GARIN1A: variants seen among roughly 807,000 people sequenced by gnomAD.
The protein encoded by GARIN1A is Golgi-associated RAB2 interactor protein 1A.
At chr7:128,683,249 G>A in the GARIN1A span, 1 of 1,003,878 alleles carries the variant, frequency 1.0e-6, no homozygotes. Context: ...AAGTGACCTT[G>A]GGAGAGGTAA....
chr7:128,673,839 C>A, the GARIN1A span, among the ~76,000 whole-genome samples: 1 of 152,092 alleles, frequency 6.6e-6, no homozygotes, highest in African/African-American at 2.4e-5. Context: ...ATGGGAAGTC[C>A]AGTCTCAGGA....
chr7:128,706,673 A>G, the GARIN1A span, among the ~76,000 whole-genome samples: 4 of 152,122 alleles, frequency 2.6e-5, no homozygotes, highest in Non-Finnish European at 5.9e-5. Flanking sequence ...TCATGTAACT[A>G]GTCTCCCAAT....
At chr7:128,689,321 C>T in the GARIN1A span, among the ~76,000 whole-genome samples, 1 of 150,568 alleles carries the variant, frequency 6.6e-6, no homozygotes. Context: ...GTGAGGAGCA[C>T]CTCTTACCGG....
the GARIN1A span, among the ~76,000 whole-genome samples, chr7:128,694,358 C>T: frequency 6.6e-6 from 1 of 151,784 alleles, no homozygotes; most frequent in East Asian, 1.9e-4. Context: ...ATGGTGAAAC[C>T]CCGTCTCTAC....
chr7:128,683,112 C>T, the GARIN1A span: 10 of 1,612,686 alleles, frequency 6.2e-6, no homozygotes, highest in Non-Finnish European at 8.5e-6. Context: ...GCACCTTCTA[C>T]AAGTTCATAT....
the GARIN1A span, chr7:128,677,447 C>T: frequency 3.7e-5 from 42 of 1,134,772 alleles, no homozygotes; most frequent in Non-Finnish European, 4.7e-5. Flanking sequence ...GCAGAGCCTG[C>T]AGTGAGCCGA....
the GARIN1A span, among the ~76,000 whole-genome samples, chr7:128,695,040 T>C: frequency 1.0e-3 from 155 of 152,348 alleles, 1 homozygote; most frequent in Non-Finnish European, 1.1e-3. This position sits in a 1 kb window ranked among gnomAD's most constrained non-coding sequence, Gnocchi z 4.5. Context: ...CTGCAAACAA[T>C]GAGAAGCCAA....
the GARIN1A span, among the ~76,000 whole-genome samples, chr7:128,689,028 C>T: frequency 6.6e-6 from 1 of 151,732 alleles, no homozygotes; most frequent in East Asian, 1.9e-4. Context: ...GTCTCCAGCT[C>T]CTAACCTCGA....
At chr7:128,683,298 A>G in the GARIN1A span, 6 of 637,824 alleles carry the variant, frequency 9.4e-6, no homozygotes, top group South Asian at 1.5e-4. Flanking sequence ...ACTTCCACCA[A>G]TAAACTTCCA....
the GARIN1A span, among the ~76,000 whole-genome samples, chr7:128,694,982 T>C: frequency 6.6e-6 from 1 of 152,232 alleles, no homozygotes; most frequent in Non-Finnish European, 1.5e-5. Context: ...ATTATCTCTA[T>C]AGCAAGTTGC....
chr7:128,692,059 T>C, the GARIN1A span, among the ~76,000 whole-genome samples: 1 of 152,232 alleles, frequency 6.6e-6, no homozygotes, highest in Non-Finnish European at 1.5e-5. Context: ...TGGCCTATTC[T>C]CCATGCCTGG....
the GARIN1A span, chr7:128,693,571 C>T: frequency 7.7e-5 from 12 of 156,372 alleles, no homozygotes; most frequent in Admixed American, 4.5e-4. Flanking sequence ...GAGGCCGACC[C>T]GTGCTGCAGC....
At chr7:128,699,552 A>C in the GARIN1A span, among the ~76,000 whole-genome samples, 1 of 152,202 alleles carries the variant, frequency 6.6e-6, no homozygotes, top group Admixed American at 6.5e-5. Context: ...TTTATAGCTT[A>C]AGTGCATTGC....
chr7:128,672,342 G>T, the GARIN1A span: 1 of 1,468,514 alleles, frequency 6.8e-7, no homozygotes, highest in East Asian at 2.4e-5. Context: ...CTGGCATTGG[G>T]CTGGGTCGGC....
the GARIN1A span, among the ~76,000 whole-genome samples, chr7:128,699,562 C>T: frequency 6.6e-5 from 10 of 152,272 alleles, no homozygotes; most frequent in East Asian, 5.8e-4. Flanking sequence ...AAGTGCATTG[C>T]GATCCAGATA....
At chr7:128,677,433 G>A in the GARIN1A span, 11 of 1,015,472 alleles carry the variant, frequency 1.1e-5, no homozygotes, top group African/African-American at 1.0e-4. Context: ...CGTGAACCCC[G>A]GGGGCAGAGC....
At chr7:128,692,256 T>TGGGTCCTACTAGACTGACCCAGTTA in the GARIN1A span, among the ~76,000 whole-genome samples, 1 of 152,224 alleles carries the variant, frequency 6.6e-6, no homozygotes, top group African/African-American at 2.4e-5. Context: ...TGCCAGTGCC[T>TGGGTCCTACTAGACTGACCCAGTTA]GGGTCCTACT....
At chr7:128,694,374 A>T in the GARIN1A span, among the ~76,000 whole-genome samples, 3 of 152,036 alleles carry the variant, frequency 2.0e-5, no homozygotes, top group Non-Finnish European at 4.4e-5. Context: ...TCTACTAAAA[A>T]ATACAAAAAT....
At chr7:128,703,530 C>A in the GARIN1A span, among the ~76,000 whole-genome samples, 1 of 152,156 alleles carries the variant, frequency 6.6e-6, no homozygotes, top group Non-Finnish European at 1.5e-5. Context: ...GTGGCTCATG[C>A]CTATAATCCC....
Sources: allele counts gnomAD v4.1 joint callset (sites outside exome capture counted in the v4.1 genomes callset), GRCh38; gene constraint gnomAD v4.1.1; non-coding constraint Gnocchi (gnomAD v3.1); transcripts MANE v1.5; gene names NCBI Gene and HGNC (gene_info 2026-07-23, HGNC 2026-07-21).